The following HAUS2 variants were observed in gnomAD, a reference collection of about 807,000 sequenced individuals.
HAUS2 encodes HAUS augmin-like complex subunit 2.
In HAUS2, 20 loss-of-function variants were observed where a neutral mutation model predicts 21.6. The ratio of observed to expected loss-of-function variants is 0.93; its 90% confidence interval spans 0.65 to 1.35. The LOEUF is 1.35. HAUS2 is among the 40% of genes most tolerant of loss of function. The pLI is 0.00. For missense variants in HAUS2, 297 were observed against 280.7 expected, an observed-to-expected ratio of 1.06 and a Z score of -0.42; for synonymous variants, 113 against 95.6, an observed-to-expected ratio of 1.18 and a Z score of -1.06.
chr15:42,558,805 A>C (rs1020436368), intron 2 of HAUS2, among the ~76,000 whole-genome samples: 1 of 151,996 alleles, frequency 6.6e-6, no homozygotes, highest in Admixed American at 6.6e-5. Flanking sequence ...AAAAAATTTT[A>C]AAAGTAACCA....
intron 1 of HAUS2, 105 bp downstream of exon 1, chr15:42,549,070 G>A: frequency 2.7e-6 from 2 of 744,832 alleles, no homozygotes. Flanking sequence ...GTCCTGGTTG[G>A]GGTCTGTACT....
At chr15:42,549,259 T>A (rs1031027430) in intron 1 of HAUS2, among the ~76,000 whole-genome samples, 1 of 151,890 alleles carries the variant, frequency 6.6e-6, no homozygotes, top group Non-Finnish European at 1.5e-5. Context: ...TTTCATCCAG[T>A]GATACTGCCT....
chr15:42,554,184 C>G (rs1175278193), intron 1 of HAUS2, among the ~76,000 whole-genome samples: 1 of 152,114 alleles, frequency 6.6e-6, no homozygotes, highest in Non-Finnish European at 1.5e-5. Flanking sequence ...TCATCCTTAC[C>G]TGGAATACTG....
chr15:42,561,943 C>G (rs1398629520), intron 4 of HAUS2, among the ~76,000 whole-genome samples: 2 of 151,530 alleles, frequency 1.3e-5, no homozygotes, highest in East Asian at 3.9e-4. Flanking sequence ...TTACAAGTAT[C>G]AAATTGAAGA....
chr15:42,553,404 A>G (rs897549229), intron 1 of HAUS2, among the ~76,000 whole-genome samples: 1 of 152,086 alleles, frequency 6.6e-6, no homozygotes, highest in Non-Finnish European at 1.5e-5. Flanking sequence ...CCTTTGGGGC[A>G]TGTAATAGCA....
In HAUS2 at chr15:42,548,985, G is replaced by A. The variant is rs373315304; in HGVS notation, c.93+20G>A. Reference sequence around the variant, plus strand: ...AATCAGGTACGTGGGGGTGGCGGTGGTGTCATCAAGGGGGTGCCCAAGGTG... The same window carrying A: ...AATCAGGTACGTGGGGGTGGCGGTGATGTCATCAAGGGGGTGCCCAAGGTG... On this transcript the variant is annotated intron_variant, in intron 1 of 5. Transcript: ENST00000260372. 4.5e-4 allele frequency: 667 copies of A among 1,477,366 alleles called. No individual in the cohort carries two copies. Among genetic ancestry groups the A allele is most frequent in the Non-Finnish European group, 5.5e-4 (598 of 1,078,544 alleles). 91.5% of individuals were successfully genotyped at this position (1,477,366 alleles called of 1,614,324 possible). A position where few individuals can be genotyped will look rare whatever the true frequency, so the allele number is the denominator to read the frequency against.
At chr15:42,559,221 C>T (rs2057822952) in intron 2 of HAUS2, 118 bp from the exon 3 acceptor site, 1 of 638,148 alleles carries the variant, frequency 1.6e-6, no homozygotes. Context: ...TACATCCTGA[C>T]CTCTGGTGAT....
intron 5 of HAUS2, among the ~76,000 whole-genome samples, chr15:42,565,452 G>A (rs1375778256): frequency 6.6e-6 from 1 of 150,472 alleles, no homozygotes; most frequent in Admixed American, 6.7e-5. Context: ...TTAGTGAAGG[G>A]TGCAGAGGAG....
chr15:42,562,662 T>A (rs1319705627), intron 4 of HAUS2, among the ~76,000 whole-genome samples: 2 of 152,242 alleles, frequency 1.3e-5, no homozygotes, highest in Non-Finnish European at 2.9e-5. Flanking sequence ...ATCATTACCC[T>A]TAATGTATAT....
At chr15:42,551,213 C>T (rs1243273059) in intron 1 of HAUS2, among the ~76,000 whole-genome samples, 1 of 150,058 alleles carries the variant, frequency 6.7e-6, no homozygotes, top group East Asian at 2.1e-4. Context: ...GTCTCAAACT[C>T]CTGATCTCAG....
intron 1 of HAUS2, among the ~76,000 whole-genome samples, chr15:42,554,446 C>T (rs2057752437): frequency 6.6e-6 from 1 of 151,578 alleles, no homozygotes; most frequent in African/African-American, 2.4e-5. Flanking sequence ...ATTCCCTATT[C>T]CCTCCTCCCT....
intron 1 of HAUS2, among the ~76,000 whole-genome samples, chr15:42,553,607 CTCTT>C (rs1230110907): frequency 6.6e-6 from 1 of 152,078 alleles, no homozygotes; most frequent in African/African-American, 2.4e-5. Context: ...GCACCTGACC[CTCTT>C]TCTTTCTTCT....
intron 1 of HAUS2, among the ~76,000 whole-genome samples, chr15:42,549,798 T>C (rs1201811814): frequency 1.4e-5 from 2 of 139,262 alleles, no homozygotes; most frequent in African/African-American, 5.3e-5. Flanking sequence ...AAGTATTGGC[T>C]AAAAAGATAA....
chr15:42,550,918 C>G (rs2057719272), intron 1 of HAUS2, among the ~76,000 whole-genome samples: 1 of 152,054 alleles, frequency 6.6e-6, no homozygotes, highest in Non-Finnish European at 1.5e-5. Flanking sequence ...CTGCCTGCCT[C>G]TGCCTCCCAA....
chr15:42,564,341 T>C (rs2057884666), intron 5 of HAUS2, among the ~76,000 whole-genome samples: 1 of 152,004 alleles, frequency 6.6e-6, no homozygotes, highest in Admixed American at 6.6e-5. Flanking sequence ...CTTTTTTATA[T>C]AATTTTTATT....
intron 1 of HAUS2, among the ~76,000 whole-genome samples, chr15:42,555,207 C>G (rs1425705205): frequency 6.6e-6 from 1 of 151,922 alleles, no homozygotes; most frequent in Non-Finnish European, 1.5e-5. Context: ...AGGATGGTCT[C>G]GATCTCCTGA....
At chr15:42,560,907 C>T (rs1018032874) in intron 3 of HAUS2, 49 of 695,882 alleles carry the variant, frequency 7.0e-5, no homozygotes, top group Admixed American at 6.0e-4. Flanking sequence ...GACTCTTTTT[C>T]GATGGTCTTT....
chr15:42,559,540 T>A (rs1219016037), intron 3 of HAUS2, 132 bp downstream of exon 3: 2 of 628,872 alleles, frequency 3.2e-6, no homozygotes, highest in Non-Finnish European at 5.7e-6. Context: ...TAATGAAATC[T>A]TGTATTTCTA....
intron 1 of HAUS2, among the ~76,000 whole-genome samples, chr15:42,550,410 A>T (rs982192346): frequency 1.3e-5 from 2 of 152,178 alleles, no homozygotes; most frequent in Non-Finnish European, 2.9e-5. Context: ...TAAGAAACTA[A>T]GGCTTAGACC....
Sources: gnomAD v4.1 joint callset for allele counts (sites outside exome capture counted in the v4.1 genomes callset) on GRCh38, gnomAD v4.1.1 for gene constraint, MANE v1.5 for transcripts, NCBI Gene and HGNC (gene_info 2026-07-23, HGNC 2026-07-21) for gene names.